Variants in TRAPPC9 observed in about 807,000 individuals in gnomAD.
The protein encoded by TRAPPC9 is IKK2 binding protein.
Under a neutral mutation model 124.0 loss-of-function variants are expected in TRAPPC9, and 83 were observed. The ratio of observed to expected loss-of-function variants is 0.67; its 90% CI spans 0.56 to 0.80. TRAPPC9 has a LOEUF of 0.80. Among genes scored for constraint, TRAPPC9 ranks in the 30% least tolerant of loss-of-function variants. TRAPPC9 has a pLI of 0.00. For synonymous variants in TRAPPC9, 638 were observed against 617.5 expected (o/e 1.03, Z -0.49); for missense variants, 1,302 against 1,508.3 (o/e 0.86, Z 2.27).
At chr8:139,909,259 C>A (rs1831557227) in intron 20 of TRAPPC9, among the ~76,000 whole-genome samples, 1 of 152,148 alleles carries the variant, frequency 6.6e-6, no homozygotes, top group Non-Finnish European at 1.5e-5. Context: ...GGCTCTCATG[C>A]CTCAGTATTT....
At chr8:140,415,772 C>T (rs1026999332) in intron 5 of TRAPPC9, among the ~76,000 whole-genome samples, 1 of 151,906 alleles carries the variant, frequency 6.6e-6, no homozygotes, top group African/African-American at 2.4e-5. Flanking sequence ...AGTCCAAGAC[C>T]GGGCTTGGTA....
At chr8:140,222,639 C>T (rs2063360737) in intron 16 of TRAPPC9, among the ~76,000 whole-genome samples, 2 of 152,210 alleles carry the variant, frequency 1.3e-5, no homozygotes, top group Admixed American at 1.3e-4. Context: ...CATGATACAC[C>T]ATTTAACAGA....
rs2071674872 is a variant in TRAPPC9 at position 140,456,604 on chromosome 8, A to C, written c.-11+1035T>G. On this transcript the variant is annotated intron_variant, in intron 1 of 22. Coordinates refer to ENST00000438773, the MANE Select transcript of TRAPPC9 (RefSeq NM_001160372.4). ...CCTCCACACAATTAAAAAAACGAAC[A>C]AACACACACAACAAAACCTAGCCAG... 2.0e-5 allele frequency among the ~76,000 whole-genome samples: 3 copies of C among 152,104 alleles called. No individual in the cohort carries two copies. The South Asian group carries it at 6.2e-4, about 31-fold the overall frequency.
intron 21 of TRAPPC9, among the ~76,000 whole-genome samples, chr8:139,820,007 C>CAAA (rs35064399): frequency 3.9e-4 from 20 of 51,820 alleles, no homozygotes; most frequent in African/African-American, 9.0e-4. Flanking sequence ...GACTCTGTCT[C>CAAA]AAAAAAAAAA....
rs113716027 is a variant in TRAPPC9 at position 140,002,141 on chromosome 8, C to CA, written c.2700-13306dup. On this transcript the variant is annotated intron_variant, in intron 18 of 22. Coordinates refer to ENST00000438773, the MANE Select transcript of TRAPPC9 (RefSeq NM_001160372.4). ...ACAAAGACGGAAGAAAAAACGACCA[C>CA]AAATACCCTTCATACCAATAATACT... is the stretch of plus-strand genomic sequence containing the variant. Among the ~76,000 whole-genome samples, 300 of 151,906 alleles carry CA rather than the reference C, an allele frequency of 2.0e-3. 1 individual carries two copies. The highest frequency in any genetic ancestry group is 0.01 in the Middle Eastern group (3 of 294).
At chr8:140,004,082 C>G (rs138125545) in intron 18 of TRAPPC9, among the ~76,000 whole-genome samples, 8 of 152,292 alleles carry the variant, frequency 5.3e-5, no homozygotes, top group Non-Finnish European at 8.8e-5. Context: ...ATCAAAGAAG[C>G]CACTCCAAGA....
chr8:140,377,149 C>T (rs1377280756), intron 7 of TRAPPC9, among the ~76,000 whole-genome samples: 1 of 152,220 alleles, frequency 6.6e-6, no homozygotes, highest in African/African-American at 2.4e-5. Context: ...GAAAAACCCA[C>T]TCCTTTGGCT....
At chr8:139,956,160 T>G (rs1389568018) in intron 19 of TRAPPC9, among the ~76,000 whole-genome samples, 4 of 150,498 alleles carry the variant, frequency 2.7e-5, no homozygotes, top group African/African-American at 7.3e-5. Flanking sequence ...GTTGTTTCGT[T>G]TTTTTTTTTC....
chr8:139,920,074 G>A (rs368424643), intron 19 of TRAPPC9, among the ~76,000 whole-genome samples: 1 of 152,190 alleles, frequency 6.6e-6, no homozygotes, highest in Admixed American at 6.5e-5. Flanking sequence ...ACTGGGGCGC[G>A]GTGGCTCACG....
intron 20 of TRAPPC9, among the ~76,000 whole-genome samples, chr8:139,894,744 G>C (rs1830559627): frequency 6.6e-6 from 1 of 152,188 alleles, no homozygotes; most frequent in Non-Finnish European, 1.5e-5. Context: ...CTGGCAAGAT[G>C]AGCTCAGTTT....
chr8:139,812,045 G>A (rs910891566), intron 21 of TRAPPC9, among the ~76,000 whole-genome samples: 5 of 152,146 alleles, frequency 3.3e-5, no homozygotes, highest in East Asian at 3.9e-4. Flanking sequence ...CAGGCCACAT[G>A]GAAGCAGGAC....
In TRAPPC9 at chr8:140,063,174, T is replaced by A. The variant is rs1842725906; in HGVS notation, c.2557-39095A>T. 6.6e-6 allele frequency among the ~76,000 whole-genome samples: 1 copy of A among 152,122 alleles called. No homozygotes were observed. The highest frequency in any genetic ancestry group is 2.4e-5 in the African/African-American group (1 of 41,424). On this transcript the variant is annotated intron_variant, in intron 17 of 22. Transcript: ENST00000438773. This position sits in a 1 kb window ranked among gnomAD's most constrained non-coding sequence, Gnocchi z 4.3. ...AAGCGGCCACTGTGATTCAATGACC[T>A]CCACCTGGTCTCTCCCTTGATACAT...
chr8:140,201,108 G>A (rs946710666), intron 17 of TRAPPC9, among the ~76,000 whole-genome samples: 2 of 152,214 alleles, frequency 1.3e-5, no homozygotes, highest in Admixed American at 6.5e-5. Context: ...GTCCAGAGGG[G>A]GAAGAAGAGT....
intron 6 of TRAPPC9, among the ~76,000 whole-genome samples, chr8:140,403,180 G>A (rs1247771191): frequency 6.6e-6 from 1 of 152,168 alleles, no homozygotes; most frequent in East Asian, 1.9e-4. Flanking sequence ...TGTAATCCCA[G>A]AACTTTGGGA....
chr8:140,289,829 CT>C (rs1300573815), intron 12 of TRAPPC9, among the ~76,000 whole-genome samples: 2 of 152,208 alleles, frequency 1.3e-5, no homozygotes, highest in African/African-American at 4.8e-5. Context: ...CAGGTCAGTC[CT>C]CGCCCAACAG....
intron 21 of TRAPPC9, among the ~76,000 whole-genome samples, chr8:139,822,966 A>G (rs1303998145): frequency 6.6e-6 from 1 of 152,144 alleles, no homozygotes; most frequent in East Asian, 1.9e-4. Flanking sequence ...GCAGTCCGCT[A>G]ACCTGCTGCT....
chr8:139,995,178 T>G (rs754623516), intron 18 of TRAPPC9, among the ~76,000 whole-genome samples: 5 of 152,156 alleles, frequency 3.3e-5, no homozygotes, highest in Non-Finnish European at 5.9e-5. Flanking sequence ...GTGAGCTGCA[T>G]CTCTCTCCAG....
At chr8:140,422,398 C>T (rs1192304640) in intron 5 of TRAPPC9, among the ~76,000 whole-genome samples, 1 of 152,040 alleles carries the variant, frequency 6.6e-6, no homozygotes, top group Non-Finnish European at 1.5e-5. Flanking sequence ...AAAGATAACA[C>T]ACAGAATGAA....
chr8:139,858,732 T>A (rs980358752), intron 21 of TRAPPC9, among the ~76,000 whole-genome samples: 2 of 151,748 alleles, frequency 1.3e-5, no homozygotes, highest in Non-Finnish European at 2.9e-5. Context: ...ACTTAACTGC[T>A]CAATGATAAT....
Sources: gnomAD v4.1 joint callset for allele counts (sites outside exome capture counted in the v4.1 genomes callset) on GRCh38, gnomAD v4.1.1 for gene constraint, Gnocchi (gnomAD v3.1) non-coding constraint, MANE v1.5 for transcripts, NCBI Gene and HGNC (gene_info 2026-07-23, HGNC 2026-07-21) for gene names.